Variants in HTR1F observed in about 807,000 individuals in gnomAD.
The protein encoded by HTR1F is 5-hydroxytryptamine (serotonin) receptor 1F, G protein-coupled.
Under a neutral mutation model 24.0 loss-of-function variants are expected in HTR1F, and 17 were observed. The ratio of observed to expected loss-of-function variants is 0.71; its 90% confidence interval spans 0.48 to 1.06. The LOEUF is 1.06. Among genes scored for constraint, HTR1F ranks in the 50% least tolerant of loss-of-function variants. The pLI is 0.00. For synonymous variants in HTR1F, 186 were observed against 156.8 expected, an observed-to-expected ratio of 1.19 and a Z score of -1.39; for missense variants, 391 against 427.8, an observed-to-expected ratio of 0.91 and a Z score of 0.76.
chr3:87,852,450 G>A (rs1338121323), intron 2 of HTR1F, among the ~76,000 whole-genome samples: 1 of 151,568 alleles, frequency 6.6e-6, no homozygotes, highest in Non-Finnish European at 1.5e-5. Flanking sequence ...ATGAAGTAGA[G>A]GTTCAACTTA....
intron 2 of HTR1F, among the ~76,000 whole-genome samples, chr3:87,862,837 C>T: frequency 6.6e-6 from 1 of 151,572 alleles, no homozygotes; most frequent in East Asian, 1.9e-4. Context: ...CTTTTTGAGA[C>T]ACAGTCACTC....
intron 2 of HTR1F, among the ~76,000 whole-genome samples, chr3:87,928,911 C>T (rs1256331230): frequency 6.6e-6 from 1 of 152,134 alleles, no homozygotes; most frequent in Non-Finnish European, 1.5e-5. Context: ...AAAGAGCTGT[C>T]TGAGTCTAAA....
In HTR1F at chr3:87,991,887, T is replaced by C. The variant is rs1451174221; in HGVS notation, c.*37T>C. On this transcript the variant is annotated 3_prime_UTR_variant, in exon 3 of 3. Coordinates refer to ENST00000319595, the MANE Select transcript of HTR1F (RefSeq NM_001322209.2). ...TTTATTATTGAAGGATGGGGGTTTT[T>C]GAGGGGAGGAATAACTAGATGAATG... is the stretch of plus-strand genomic sequence containing the variant. The C allele has an allele frequency of 6.6e-7, 1 of 1,510,368 alleles. No individual in the cohort carries two copies. 93.6% of individuals were successfully genotyped at this position (1,510,368 alleles called of 1,614,324 possible). A position where few individuals can be genotyped will look rare whatever the true frequency, so the allele number is the denominator to read the frequency against.
chr3:87,943,500 T>A (rs1704619831), intron 2 of HTR1F, among the ~76,000 whole-genome samples: 1 of 151,516 alleles, frequency 6.6e-6, no homozygotes, highest in Non-Finnish European at 1.5e-5. Flanking sequence ...TCGGGGAATA[T>A]TGGCACTCTT....
At chr3:87,831,066 CAAT>C (rs1391676789) in intron 2 of HTR1F, among the ~76,000 whole-genome samples, 2 of 151,996 alleles carry the variant, frequency 1.3e-5, no homozygotes, top group African/African-American at 4.8e-5. Context: ...AAAAAATAAT[CAAT>C]GAATCAATCT....
At chr3:87,880,646 TTGTGTG>T (rs10540515) in intron 2 of HTR1F, among the ~76,000 whole-genome samples, 13,487 of 147,202 alleles carry the variant, frequency 0.092, 756 homozygotes, top group East Asian at 0.22. Flanking sequence ...GTGTGTTTGT[TTGTGTG>T]TGTGTGTGTG....
intron 1 of HTR1F, among the ~76,000 whole-genome samples, chr3:87,807,512 G>C (rs1704093314): frequency 6.6e-6 from 1 of 151,844 alleles, no homozygotes; most frequent in Admixed American, 6.6e-5. Flanking sequence ...TCAGGTCTAA[G>C]AGTTTTTTGG....
intron 2 of HTR1F, among the ~76,000 whole-genome samples, chr3:87,832,096 CACTAT>C: frequency 6.6e-6 from 1 of 152,224 alleles, no homozygotes; most frequent in African/African-American, 2.4e-5. Context: ...TGTTCATAAC[CACTAT>C]ACTGTGCCAC....
chr3:87,902,027 T>A (rs1370052521), intron 2 of HTR1F, among the ~76,000 whole-genome samples: 2 of 152,120 alleles, frequency 1.3e-5, no homozygotes, highest in African/African-American at 4.8e-5. Context: ...AGCCTCAATA[T>A]TATAAATATA....
intron 2 of HTR1F, among the ~76,000 whole-genome samples, chr3:87,893,741 A>C (rs2932302): frequency 0.18 from 27,537 of 152,234 alleles, 4,345 homozygotes; most frequent in African/African-American, 0.43. Flanking sequence ...TTCCTAAGTC[A>C]TCTCAGAAAG....
intron 2 of HTR1F, among the ~76,000 whole-genome samples, chr3:87,877,504 TTAA>T (rs1432888583): frequency 6.6e-6 from 1 of 152,138 alleles, no homozygotes; most frequent in Admixed American, 6.6e-5. Context: ...TATGTAAAAG[TTAA>T]TGATGATTAA....
At chr3:87,948,673 G>T (rs765492317) in intron 2 of HTR1F, among the ~76,000 whole-genome samples, 1 of 151,850 alleles carries the variant, frequency 6.6e-6, no homozygotes, top group African/African-American at 2.4e-5. Flanking sequence ...TGTAGAGAGG[G>T]TTCTGTCATG....
chr3:87,807,535 T>C (rs557591934), intron 1 of HTR1F, among the ~76,000 whole-genome samples: 2 of 151,952 alleles, frequency 1.3e-5, no homozygotes, highest in Non-Finnish European at 2.9e-5. Flanking sequence ...GAATCTTTAG[T>C]TTTTTTAATA....
intron 1 of HTR1F, among the ~76,000 whole-genome samples, chr3:87,820,213 G>C (rs1575906282): frequency 7.8e-6 from 1 of 127,930 alleles, no homozygotes; most frequent in Admixed American, 9.0e-5. Context: ...GTCTCGCTCT[G>C]TCGCCCAGGC....
chr3:87,868,055 T>G (rs1374992271), intron 2 of HTR1F, among the ~76,000 whole-genome samples: 1 of 152,120 alleles, frequency 6.6e-6, no homozygotes, highest in Admixed American at 6.6e-5. Context: ...CCCTGTTATT[T>G]CTTAATGCAC....
intron 2 of HTR1F, among the ~76,000 whole-genome samples, chr3:87,923,442 A>C (rs1704054254): frequency 6.6e-6 from 1 of 151,910 alleles, no homozygotes; most frequent in African/African-American, 2.4e-5. Flanking sequence ...CATAGTTTTT[A>C]TCAGAGATTT....
intron 2 of HTR1F, among the ~76,000 whole-genome samples, chr3:87,883,257 CA>C (rs1373843126): frequency 6.6e-6 from 1 of 152,208 alleles, no homozygotes; most frequent in African/African-American, 2.4e-5. Context: ...AACTAACAAA[CA>C]GAAAGGAATA....
rs1705815323 is a variant in HTR1F, at chr3:87,991,135, T to C, written c.386T>C (p.Val129Ala). 2.5e-6 allele frequency: 4 copies of C among 1,613,938 alleles called. No homozygotes were observed. In the African/African-American group the frequency reaches 4.0e-5, roughly 16 times the overall value. The change falls in exon 3 of 3, where the codon GTT becomes GCT. Residue 129 changes from valine (V) to alanine (A), a missense_variant. Coordinates refer to ENST00000319595, the MANE Select transcript of HTR1F (RefSeq NM_001322209.2). Reference sequence around the variant, plus strand: ...CGGTATCGAGCAATCACAGATGCTGTTGAGTATGCCAGGAAAAGGACTCCA... The same window carrying C: ...CGGTATCGAGCAATCACAGATGCTGCTGAGTATGCCAGGAAAAGGACTCCA... ...LDRYRAITDA[V>A]EYARKRTPKH...
intron 2 of HTR1F, among the ~76,000 whole-genome samples, chr3:87,857,301 A>C (rs1705219066): frequency 2.0e-5 from 3 of 152,104 alleles, no homozygotes. Context: ...AGTAGAATAC[A>C]GATTACTAAA....
Sources: gnomAD v4.1 joint callset for allele counts (sites outside exome capture counted in the v4.1 genomes callset) on GRCh38, gnomAD v4.1.1 for gene constraint, MANE v1.5 for transcripts, NCBI Gene and HGNC (gene_info 2026-07-23, HGNC 2026-07-21) for gene names.